Variants in TPMT observed in about 807,000 individuals in gnomAD.
TPMT encodes the protein thiopurine S-methyltransferase.
Under a neutral mutation model 34.2 loss-of-function variants are expected in TPMT, and 18 were observed. That is an observed-to-expected ratio of 0.53 (90% CI 0.36 to 0.78). The LOEUF is 0.78. Ranked by LOEUF, TPMT falls within the 30% of genes least tolerant of loss-of-function variation. The pLI, the probability that TPMT is intolerant of heterozygous loss-of-function variation, is 0.00. For synonymous variants in TPMT, 69 were observed against 92.4 expected (o/e 0.75, Z 1.45); for missense variants, 265 against 288.1 (o/e 0.92, Z 0.58).
intron 1 of TPMT, among the ~76,000 whole-genome samples, chr6:18,152,738 G>A (rs1246716953): frequency 1.3e-5 from 2 of 152,014 alleles, no homozygotes; most frequent in Admixed American, 6.6e-5. Flanking sequence ...TAGATAGAGC[G>A]TCAGATACAA....
Position 18,133,845 on chromosome 6 carries a change from T to A in TPMT, c.539A>T (p.Tyr180Phe), listed in dbSNP as rs75543815. 9.5e-5 allele frequency: 153 copies of A among 1,611,838 alleles called. No homozygotes were observed. The East Asian group carries it at 3.2e-3, about 34-fold the overall frequency. Residue 180 changes from tyrosine to phenylalanine, a missense_variant, in exon 7 of 9, where the codon TAT becomes TTT. Transcript: ENST00000309983. ...MFSLLGKKFQYLLCVLSYDPT... is the reference protein window; with the variant it reads ...MFSLLGKKFQFLLCVLSYDPT... ...ATCATAAGAAAGAACACACAGGAGA[T>A]ACTGAAACTTCTTTCCCAGGAGGGA...
chr6:18,131,660 T>C lies in TPMT; in HGVS notation c.625+473A>G, dbSNP rs3925948. Among the ~76,000 whole-genome samples the C allele has an allele frequency of 0.014, 2,066 of 152,288 alleles. 48 individuals are homozygous for C. The highest frequency in any genetic ancestry group is 0.047 in the African/African-American group (1,952 of 41,568). ...TTTAACATAGAGCATATAGCATATA[T>C]ACAGAGCATATTTACAGAGATTAGT... On this transcript the variant is annotated intron_variant, in intron 8 of 8. Coordinates refer to ENST00000309983, the MANE Select transcript of TPMT (RefSeq NM_000367.5). The surrounding 1 kb of genome is among the most constrained non-coding windows in gnomAD (Gnocchi z 4.3).
At position 18,154,625 on chromosome 6, in the gene TPMT, T is replaced by C. The variant is rs1784441829; in HGVS notation, c.-45+408A>G. ...TTCTATAAAAAAAAATTTGAAAAAT[T>C]AGCCAAGCGTGGTGCAGCGAGCCTG... is the stretch of plus-strand genomic sequence containing the variant. On this transcript the variant is annotated intron_variant, in intron 1 of 8. Transcript: ENST00000309983. This position sits in a 1 kb window ranked among gnomAD's most constrained non-coding sequence, Gnocchi z 4.2. 6.6e-6 allele frequency among the ~76,000 whole-genome samples: 1 copy of C among 151,976 alleles called. No homozygotes were observed. Among genetic ancestry groups the C allele is most frequent in the Non-Finnish European group, 1.5e-5 (1 of 67,986 alleles).
In TPMT at chr6:18,132,267, G is replaced by T; in HGVS notation, c.581-90C>A. The T allele has an allele frequency of 8.3e-7, 1 of 1,210,306 alleles. No homozygotes were observed. Among genetic ancestry groups the T allele is most frequent in the South Asian group, 1.3e-5 (1 of 79,538 alleles). 75.0% of individuals were successfully genotyped at this position (1,210,306 alleles called of 1,614,324 possible). A position where few individuals can be genotyped will look rare whatever the true frequency, so the allele number is the denominator to read the frequency against. On this transcript the variant is annotated intron_variant, in intron 7 of 8. Coordinates refer to ENST00000309983, the MANE Select transcript of TPMT (RefSeq NM_000367.5). This position sits in a 1 kb window ranked among gnomAD's most constrained non-coding sequence, Gnocchi z 4.8. ...CAACTTCATTATCCAAATAGGTGAT[G>T]ATGTGGCATGTTCTTCTCATTCTTC...
At position 18,143,245 on chromosome 6, in the gene TPMT, G is replaced by A. The variant is rs1489863144; in HGVS notation, c.366+351C>T. Among the ~76,000 whole-genome samples the A allele has an allele frequency of 6.6e-6, 1 of 152,146 alleles. No homozygotes were observed. The highest frequency in any genetic ancestry group is 1.5e-5 in the Non-Finnish European group (1 of 68,028). On this transcript the variant is annotated intron_variant, in intron 4 of 8. Coordinates refer to ENST00000309983, the MANE Select transcript of TPMT (RefSeq NM_000367.5). This position sits in a 1 kb window ranked among gnomAD's most constrained non-coding sequence, Gnocchi z 6.1. Reference sequence around the variant, plus strand: ...CTCCTAAACTAAGAGATTCTTTAGGGGTGGGAGTGAGGGGGGTGTGCTGTG... The same window carrying A: ...CTCCTAAACTAAGAGATTCTTTAGGAGTGGGAGTGAGGGGGGTGTGCTGTG...
rs1783961987 is a variant in TPMT, at chr6:18,132,303, C to T, written c.581-126G>A. On this transcript the variant is annotated intron_variant, in intron 7 of 8. Transcript: ENST00000309983. This position sits in a 1 kb window ranked among gnomAD's most constrained non-coding sequence, Gnocchi z 4.8. ...TTCTTCTCATTCTTCTTTTGCAAAT[C>T]TCATACTAAAGAAATAAATTGACTT... 1.1e-6 allele frequency: 1 copy of T among 900,642 alleles called. No homozygotes were observed. Among genetic ancestry groups the T allele is most frequent in the East Asian group, 2.7e-5 (1 of 37,008 alleles). 55.8% of individuals were successfully genotyped at this position (900,642 alleles called of 1,614,324 possible). A position where few individuals can be genotyped will look rare whatever the true frequency, so the allele number is the denominator to read the frequency against.
In TPMT at chr6:18,146,221, A is replaced by T. The variant is rs536578275; in HGVS notation, c.233+1602T>A. Among the ~76,000 whole-genome samples, 4 of 151,814 alleles carry T rather than the reference A, an allele frequency of 2.6e-5. No homozygotes were observed. The highest frequency in any genetic ancestry group is 1.9e-4 in the East Asian group (1 of 5,174). ...TTTACGTATATATACATATATATAT[A>T]TTTTTTGGAGACAGAGTCTCACTCT... On this transcript the variant is annotated intron_variant, in intron 3 of 8. Transcript: ENST00000309983. This position sits in a 1 kb window ranked among gnomAD's most constrained non-coding sequence, Gnocchi z 6.2.
rs1784326390 is a variant in TPMT at position 18,150,246 on chromosome 6, A to C, written c.-44-1075T>G. 6.6e-6 allele frequency among the ~76,000 whole-genome samples: 1 copy of C among 152,230 alleles called. No homozygotes were observed. The highest frequency in any genetic ancestry group is 1.9e-4 in the East Asian group (1 of 5,202). On this transcript the variant is annotated intron_variant, in intron 1 of 8. Coordinates refer to ENST00000309983, the MANE Select transcript of TPMT (RefSeq NM_000367.5). The surrounding 1 kb of genome is among the most constrained non-coding windows in gnomAD (Gnocchi z 5.3). ...AAGGATACTGCGAAGAATATACTTG[A>C]AGAGATGTGTTAGCTACAGGACCTT...
intron 6 of TPMT, among the ~76,000 whole-genome samples, chr6:18,134,418 T>A (rs188473724): frequency 6.6e-6 from 1 of 151,904 alleles, no homozygotes; most frequent in African/African-American, 2.4e-5. Context: ...GAAAACACAA[T>A]TTTTTTCCTC....
In TPMT at chr6:18,149,014, A is replaced by C. The variant is rs767187141; in HGVS notation, c.114T>G (p.Thr38=). The stretch of plus-strand genomic sequence containing the variant: ...GATGTCCTTGTTCCTGATGAAAAGC[A>C]GTCTTGCCGTTCACCCACTTGTCTT... ...EWQDKWVNGK[T]AFHQEQGHQL... The change falls in exon 2 of 9, where the codon ACT becomes ACG. Residue 38 remains threonine, a synonymous_variant. Coordinates refer to ENST00000309983, the MANE Select transcript of TPMT (RefSeq NM_000367.5). The surrounding 1 kb of genome is among the most constrained non-coding windows in gnomAD (Gnocchi z 5.0). 1 of 1,613,906 alleles carries C rather than the reference A, an allele frequency of 6.2e-7. No homozygotes were observed. Among genetic ancestry groups the C allele is most frequent in the African/African-American group, 1.3e-5 (1 of 74,934 alleles).
rs769059253 is a variant in TPMT, at chr6:18,147,870, T to C, written c.186A>G (p.Gly62=). The C allele has an allele frequency of 1.5e-5, 25 of 1,613,666 alleles. No individual in the cohort carries two copies. Among genetic ancestry groups the C allele is most frequent in the Non-Finnish European group, 2.0e-5 (24 of 1,179,932 alleles). ...CGCAAAGAGGAAAAAATACCCTCAG[T>C]CCACTCTTGCCTTTAAGGAAAGTAT... ...HLDTFLKGKS[G]LRVFFPLCGK... Residue 62 remains glycine, a synonymous_variant, in exon 3 of 9, where the codon GGA becomes GGG. Transcript: ENST00000309983.
chr6:18,146,443 G>A lies in TPMT; in HGVS notation c.233+1380C>T, dbSNP rs1016744254. 6.6e-5 allele frequency among the ~76,000 whole-genome samples: 10 copies of A among 151,970 alleles called. No individual in the cohort carries two copies. Among genetic ancestry groups the A allele is most frequent in the African/African-American group, 2.4e-4 (10 of 41,366 alleles). ...TCGAACTCCTGACCTCAAGTGATCC[G>A]CTCACCTAATTAAAGGTGTGAGCCA... On this transcript the variant is annotated intron_variant, in intron 3 of 8. Transcript: ENST00000309983. The surrounding 1 kb of genome is among the most constrained non-coding windows in gnomAD (Gnocchi z 6.2).
rs1002676910 is a variant in TPMT, at chr6:18,150,411, A to G, written c.-44-1240T>C. On this transcript the variant is annotated intron_variant, in intron 1 of 8. Transcript: ENST00000309983. This position sits in a 1 kb window ranked among gnomAD's most constrained non-coding sequence, Gnocchi z 5.3. ...TTGTCCCAATTTCCTATCAGTACAC[A>G]GTCAGTCTCTCCAGTCATCAGCTAT... 6.6e-6 allele frequency among the ~76,000 whole-genome samples: 1 copy of G among 152,152 alleles called. No homozygotes were observed. The highest frequency in any genetic ancestry group is 2.4e-5 in the African/African-American group (1 of 41,434).
At chr6:18,133,319 T>C (rs1361517157) in intron 7 of TPMT, among the ~76,000 whole-genome samples, 2 of 152,082 alleles carry the variant, frequency 1.3e-5, no homozygotes, top group Non-Finnish European at 2.9e-5. Flanking sequence ...AAGAATGCAA[T>C]AGATAGATTA....
chr6:18,150,974 A>C lies in TPMT; in HGVS notation c.-44-1803T>G, dbSNP rs573861443. ...TGTGATTCACCAGCCTCGGCTTCCC[A>C]AAGTGCTGGGATTCCAGGCGTGGGC... On this transcript the variant is annotated intron_variant, in intron 1 of 8. Transcript: ENST00000309983. This position sits in a 1 kb window ranked among gnomAD's most constrained non-coding sequence, Gnocchi z 5.3. Among the ~76,000 whole-genome samples, 3 of 152,252 alleles carry C rather than the reference A, an allele frequency of 2.0e-5. No individual in the cohort carries two copies. In the East Asian group the frequency reaches 5.8e-4, roughly 29 times the overall value.
intron 3 of TPMT, among the ~76,000 whole-genome samples, chr6:18,147,012 A>T (rs1353180155): frequency 2.6e-5 from 4 of 152,132 alleles, no homozygotes; most frequent in African/African-American, 9.7e-5. Flanking sequence ...CTGGTCTCAA[A>T]TTCCTGGGCT....
rs946158182 is a variant in TPMT at position 18,145,025 on chromosome 6, A to T, written c.234-1297T>A. 1.3e-5 allele frequency among the ~76,000 whole-genome samples: 2 copies of T among 152,206 alleles called. No individual in the cohort carries two copies. Among genetic ancestry groups the T allele is most frequent in the Non-Finnish European group, 2.9e-5 (2 of 68,032 alleles). ...CCTGGTAAGTTTTATAATGAACAGA[A>T]TTCAGTCTCAGGATCTTGGACTCAA... On this transcript the variant is annotated intron_variant, in intron 3 of 8. Transcript: ENST00000309983. This position sits in a 1 kb window ranked among gnomAD's most constrained non-coding sequence, Gnocchi z 5.6.
rs966498397 is a variant in TPMT at position 18,131,994 on chromosome 6, C to T, written c.625+139G>A. On this transcript the variant is annotated intron_variant, in intron 8 of 8. Coordinates refer to ENST00000309983, the MANE Select transcript of TPMT (RefSeq NM_000367.5). The surrounding 1 kb of genome is among the most constrained non-coding windows in gnomAD (Gnocchi z 4.3). ...GTTTCGCCATGTTGGCCAGGCTGGTCTCGAACTCCTGGCCTCAGGTGATCT... is the reference window on the plus strand; with the variant it reads ...GTTTCGCCATGTTGGCCAGGCTGGTTTCGAACTCCTGGCCTCAGGTGATCT... 4.9e-6 allele frequency: 4 copies of T among 822,304 alleles called. No individual in the cohort carries two copies. The highest frequency in any genetic ancestry group is 2.0e-6 in the Non-Finnish European group (1 of 490,388). The allele number at this position is 822,304 out of a possible 1,614,324, so 50.9% of individuals were successfully genotyped here.
rs188055631 is a variant in TPMT, at chr6:18,150,398, C to T, written c.-44-1227G>A. ...TAAATTCTGCCAATTGTCCCAATTT[C>T]CTATCAGTACACAGTCAGTCTCTCC... On this transcript the variant is annotated intron_variant, in intron 1 of 8. Transcript: ENST00000309983. The surrounding 1 kb of genome is among the most constrained non-coding windows in gnomAD (Gnocchi z 5.3). Among the ~76,000 whole-genome samples, 2 of 152,234 alleles carry T rather than the reference C, an allele frequency of 1.3e-5. No homozygotes were observed. The highest frequency in any genetic ancestry group is 4.8e-5 in the African/African-American group (2 of 41,528).
Sources: gnomAD v4.1 joint callset for allele counts (sites outside exome capture counted in the v4.1 genomes callset) on GRCh38, gnomAD v4.1.1 for gene constraint, Gnocchi (gnomAD v3.1) non-coding constraint, MANE v1.5 for transcripts, NCBI Gene and HGNC (gene_info 2026-07-23, HGNC 2026-07-21) for gene names.